Variants in HHAT observed in about 807,000 individuals in gnomAD.
HHAT encodes protein-cysteine N-palmitoyltransferase HHAT.
In HHAT, 47 loss-of-function variants were observed where a neutral mutation model predicts 70.8. That is an observed-to-expected ratio of 0.66 (90% CI 0.53 to 0.85). The LOEUF is 0.85. Among genes scored for constraint, HHAT ranks in the 40% least tolerant of loss-of-function variants. The pLI, the probability that HHAT is intolerant of heterozygous loss-of-function variation, is 0.00. For synonymous variants in HHAT, 228 were observed against 247.6 expected, an observed-to-expected ratio of 0.92 and a Z score of 0.74; for missense variants, 609 against 604.8, an observed-to-expected ratio of 1.01 and a Z score of -0.07.
chr1:210,471,893 A>G (rs577142742), intron 8 of HHAT, among the ~76,000 whole-genome samples: 1 of 152,310 alleles, frequency 6.6e-6, no homozygotes, highest in African/African-American at 2.4e-5. Flanking sequence ...TGTTTACTTT[A>G]GTCACCGTAT....
At chr1:210,463,560 G>A (rs1236603953) in intron 7 of HHAT, among the ~76,000 whole-genome samples, 2 of 152,180 alleles carry the variant, frequency 1.3e-5, no homozygotes, top group African/African-American at 4.8e-5. Context: ...CAGATGTTTA[G>A]GTGGTCTCCT....
At chr1:210,530,275 A>G (rs1255129156) in intron 9 of HHAT, among the ~76,000 whole-genome samples, 4 of 152,100 alleles carry the variant, frequency 2.6e-5, no homozygotes, top group African/African-American at 7.3e-5. Flanking sequence ...TTGAAATGTC[A>G]TGTTGAATTC....
intron 8 of HHAT, among the ~76,000 whole-genome samples, chr1:210,499,875 C>T (rs931307337): frequency 6.6e-6 from 1 of 151,884 alleles, no homozygotes; most frequent in Non-Finnish European, 1.5e-5. Flanking sequence ...CTTAAAGCTC[C>T]AATATATCAT....
intron 11 of HHAT, among the ~76,000 whole-genome samples, chr1:210,637,360 T>A (rs1672068333): frequency 6.6e-6 from 1 of 152,116 alleles, no homozygotes; most frequent in East Asian, 1.9e-4. Context: ...AATAATAATT[T>A]CTCAGATATG....
At chr1:210,604,243 C>A (rs141223391) in intron 10 of HHAT, among the ~76,000 whole-genome samples, 1,971 of 63,560 alleles carry the variant, frequency 0.031, 50 homozygotes, top group African/African-American at 0.062. Context: ...CCAAGCCCAG[C>A]TATTTTTTTT....
chr1:210,561,334 C>A (rs1173693955), intron 9 of HHAT, among the ~76,000 whole-genome samples: 1 of 152,140 alleles, frequency 6.6e-6, no homozygotes, highest in Non-Finnish European at 1.5e-5. Flanking sequence ...CCTCATTTTG[C>A]ATAAATGTTG....
intron 3 of HHAT, 120 bp downstream of exon 3, chr1:210,363,039 C>T: frequency 2.4e-6 from 2 of 844,312 alleles, no homozygotes; most frequent in South Asian, 1.5e-5. Flanking sequence ...ATGAAGCACC[C>T]TTTTTGCCGT....
intron 7 of HHAT, among the ~76,000 whole-genome samples, chr1:210,443,054 C>T (rs924245432): frequency 5.9e-4 from 90 of 152,302 alleles, no homozygotes; most frequent in Non-Finnish European, 2.4e-4. Context: ...GTTTCAGCTT[C>T]CTACATATGG....
At chr1:210,402,953 G>A (rs976776050) in intron 5 of HHAT, among the ~76,000 whole-genome samples, 2 of 152,164 alleles carry the variant, frequency 1.3e-5, no homozygotes, top group African/African-American at 4.8e-5. Context: ...TGAAGCTGGA[G>A]CAGTCATTTA....
chr1:210,598,818 A>G (rs909262591), intron 10 of HHAT, among the ~76,000 whole-genome samples: 1 of 152,230 alleles, frequency 6.6e-6, no homozygotes, highest in African/African-American at 2.4e-5. Context: ...GTTCTTATAA[A>G]GGTGAGTTTT....
intron 3 of HHAT, chr1:210,374,275 C>G (rs186477303): frequency 6.6e-6 from 1 of 151,824 alleles, no homozygotes; most frequent in African/African-American, 2.4e-5. Context: ...TGTAATGCTA[C>G]AAATTAGTTC....
intron 8 of HHAT, among the ~76,000 whole-genome samples, chr1:210,499,404 A>C (rs902692954): frequency 6.6e-6 from 1 of 152,230 alleles, no homozygotes; most frequent in African/African-American, 2.4e-5. Context: ...TGGGAGGCCA[A>C]AGTGGGCAGA....
chr1:210,577,881 T>A, intron 9 of HHAT, among the ~76,000 whole-genome samples: 1 of 151,920 alleles, frequency 6.6e-6, no homozygotes, highest in Non-Finnish European at 1.5e-5. Flanking sequence ...CCTGACCTCA[T>A]GTGATCTGCC....
intron 7 of HHAT, among the ~76,000 whole-genome samples, chr1:210,419,069 G>A (rs748046005): frequency 6.6e-6 from 1 of 152,076 alleles, no homozygotes; most frequent in African/African-American, 2.4e-5. Context: ...ACAGCCATAG[G>A]TTTGAGTTTC....
At chr1:210,412,508 G>A (rs752166432) in intron 6 of HHAT, among the ~76,000 whole-genome samples, 10 of 152,154 alleles carry the variant, frequency 6.6e-5, no homozygotes, top group African/African-American at 2.4e-4. Flanking sequence ...ATGGTGAGAC[G>A]GGCATAGGAT....
intron 11 of HHAT, among the ~76,000 whole-genome samples, chr1:210,639,150 C>T (rs74158958): frequency 0.027 from 4,161 of 152,264 alleles, 191 homozygotes; most frequent in African/African-American, 0.096. Context: ...CATCCATGCA[C>T]CCAACAGCCT....
At chr1:210,589,465 A>G (rs1393752131) in intron 10 of HHAT, 1 of 152,268 alleles carries the variant, frequency 6.6e-6, no homozygotes, top group Non-Finnish European at 1.5e-5. Flanking sequence ...ATGGTATCAT[A>G]AAGATTTTAA....
At chr1:210,667,274 C>A (rs952159533) in intron 11 of HHAT, among the ~76,000 whole-genome samples, 1 of 151,820 alleles carries the variant, frequency 6.6e-6, no homozygotes, top group African/African-American at 2.4e-5. Flanking sequence ...TGCAGCTACT[C>A]GGGAGGCTGA....
chr1:210,669,067 C>CT (rs1223231585), intron 11 of HHAT, among the ~76,000 whole-genome samples: 1 of 152,226 alleles, frequency 6.6e-6, no homozygotes, highest in African/African-American at 2.4e-5. Context: ...GCCACCGCGC[C>CT]TGGCCACACA....
Sources: gnomAD v4.1 joint callset for allele counts (sites outside exome capture counted in the v4.1 genomes callset) on GRCh38, gnomAD v4.1.1 for gene constraint, MANE v1.5 for transcripts, NCBI Gene and HGNC (gene_info 2026-07-23, HGNC 2026-07-21) for gene names.